The following OTULINL variants were observed in gnomAD, a reference collection of about 807,000 sequenced individuals.
The protein encoded by OTULINL is OTU deubiquitinase with linear linkage specificity like.
A neutral mutation model predicts 43.9 loss-of-function variants in OTULINL; 42 were observed. The observed-to-expected ratio is 0.96, with a 90% confidence interval of 0.75 to 1.24. The LOEUF is 1.24. OTULINL is among the 50% of genes most tolerant of loss of function. The pLI, the probability that OTULINL is intolerant of heterozygous loss-of-function variation, is 0.00. For missense variants in OTULINL, 411 were observed against 426.4 expected (o/e 0.96, Z 0.32); for synonymous variants, 172 against 153.6 (o/e 1.12, Z -0.88).
intron 1 of OTULINL, among the ~76,000 whole-genome samples, chr5:14,582,824 A>C (rs1278730326): frequency 1.1e-4 from 16 of 150,782 alleles, no homozygotes; most frequent in African/African-American, 3.7e-4. Flanking sequence ...CAAAAAAAAA[A>C]AAAAAAAAAA....
At chr5:14,607,498 A>G in intron 6 of OTULINL, 40 bp downstream of exon 6, 1 of 1,610,730 alleles carries the variant, frequency 6.2e-7, no homozygotes, top group Non-Finnish European at 8.5e-7. Flanking sequence ...TAGGAATAAA[A>G]GCACATATCC....
intron 6 of OTULINL, among the ~76,000 whole-genome samples, chr5:14,608,334 G>T (rs1255294216): frequency 6.6e-6 from 1 of 152,190 alleles, no homozygotes; most frequent in African/African-American, 2.4e-5. Flanking sequence ...GCACAGTGGG[G>T]TTTTTGGTGA....
chr5:14,612,578 GTGT>G lies in OTULINL; in HGVS notation c.*2269_*2271del, dbSNP rs982453987. On this transcript the variant is annotated 3_prime_UTR_variant, in exon 8 of 8. Transcript: ENST00000274217. ...TTTTAGGGAGGAGGTATGAGGTGTT[GTGT>G]TGTTTTGTTTGTTTTTATTCAGTTG... 1.3e-5 allele frequency: 2 copies of G among 152,208 alleles called. No individual in the cohort carries two copies. The highest frequency in any genetic ancestry group is 4.8e-5 in the African/African-American group (2 of 41,450). 9.4% of individuals were successfully genotyped at this position (152,208 alleles called of 1,614,324 possible). A position where few individuals can be genotyped will look rare whatever the true frequency, so the allele number is the denominator to read the frequency against.
In OTULINL at chr5:14,613,045, C is replaced by T. The variant is rs1759608794; in HGVS notation, c.*2731C>T. 6.6e-6 allele frequency among the ~76,000 whole-genome samples: 1 copy of T among 152,158 alleles called. No individual in the cohort carries two copies. The highest frequency in any genetic ancestry group is 1.9e-4 in the East Asian group (1 of 5,184). On this transcript the variant is annotated 3_prime_UTR_variant, in exon 8 of 8. Transcript: ENST00000274217. ...TCAAGCGATTCTCCTGCCTCAGCCTCCCGAGTAGCCGGGATTACAGGTGCC... is the reference window on the plus strand; with the variant it reads ...TCAAGCGATTCTCCTGCCTCAGCCTTCCGAGTAGCCGGGATTACAGGTGCC...
intron 1 of OTULINL, among the ~76,000 whole-genome samples, chr5:14,585,116 T>C (rs1388265018): frequency 6.6e-6 from 1 of 152,070 alleles, no homozygotes; most frequent in Non-Finnish European, 1.5e-5. Context: ...AGGTCTTTAC[T>C]CTCTAGGAGG....
intron 7 of OTULINL, 91 bp from the exon 8 acceptor site, chr5:14,610,050 A>G (rs1759551558): frequency 4.4e-6 from 5 of 1,145,146 alleles, no homozygotes; most frequent in South Asian, 2.8e-5. Context: ...AGATTATTTC[A>G]TAAACTGCAG....
In OTULINL at chr5:14,614,742, A is replaced by G; in HGVS notation, c.*4428A>G. On this transcript the variant is annotated 3_prime_UTR_variant, in exon 8 of 8. Coordinates refer to ENST00000274217, the MANE Select transcript of OTULINL (RefSeq NM_019018.3). ...CTCCATGTGGGAACAGTGTGGCCCA[A>G]GAGCCAGCATGGAGGAGGGCTGTGT... 1 of 398,656 alleles carries G rather than the reference A, an allele frequency of 2.5e-6. No individual in the cohort carries two copies. Among genetic ancestry groups the G allele is most frequent in the African/African-American group, 2.1e-5 (1 of 48,756 alleles). 24.7% of individuals were successfully genotyped at this position (398,656 alleles called of 1,614,324 possible). A position where few individuals can be genotyped will look rare whatever the true frequency, so the allele number is the denominator to read the frequency against.
At position 14,597,347 on chromosome 5, in the gene OTULINL, A is replaced by G. The variant is rs566023849; in HGVS notation, c.65-3618A>G. 9.2e-5 allele frequency among the ~76,000 whole-genome samples: 14 copies of G among 152,256 alleles called. No individual in the cohort carries two copies. In the South Asian group the frequency reaches 2.3e-3, roughly 25 times the overall value. On this transcript the variant is annotated intron_variant, in intron 1 of 7. Transcript: ENST00000274217. The stretch of plus-strand genomic sequence containing the variant: ...GAGCACTCACTGTGCACCAGGCTCT[A>G]CTATGTGCTGTCTTCATTCCTAGGT...
At chr5:14,600,237 C>T (rs1759362091) in intron 1 of OTULINL, among the ~76,000 whole-genome samples, 1 of 152,190 alleles carries the variant, frequency 6.6e-6, no homozygotes, top group Non-Finnish European at 1.5e-5. Flanking sequence ...ACTTCTCCTA[C>T]CTGCTGCCAT....
intron 1 of OTULINL, among the ~76,000 whole-genome samples, chr5:14,583,649 C>T (rs889366321): frequency 6.6e-6 from 1 of 152,146 alleles, no homozygotes; most frequent in Non-Finnish European, 1.5e-5. Context: ...AGTTGGTGTG[C>T]AGCAGAGGAA....
In OTULINL at chr5:14,609,004, G is replaced by A. The variant is rs1295029082; in HGVS notation, c.884G>A (p.Cys295Tyr). 1 of 1,612,176 alleles carries A rather than the reference G, an allele frequency of 6.2e-7. No individual in the cohort carries two copies. The highest frequency in any genetic ancestry group is 8.5e-7 in the Non-Finnish European group (1 of 1,178,760). ...MNHLNSVGDT[C>Y]GLEQIDMFIL... is the part of the protein sequence containing the mutation. The stretch of plus-strand genomic sequence containing the variant: ...CACCTGAATTCTGTAGGCGACACAT[G>A]TGGACTAGAGCAGGTAACCGGGGAG... The change falls in exon 7 of 8, where the codon TGT (cysteine) becomes TAT (tyrosine). Residue 295 changes from cysteine to tyrosine, a missense_variant. By Grantham distance (194) the Cys-to-Tyr change is radical. Coordinates refer to ENST00000274217, the MANE Select transcript of OTULINL (RefSeq NM_019018.3).
At position 14,601,087 on chromosome 5, in the gene OTULINL, C is replaced by T. The variant is rs114798212; in HGVS notation, c.187C>T (p.Arg63Trp). ...SFLVAAICYF[R>W]RLHLYSGHKL... ...TCTGGTGGCTGCCATCTGCTACTTC[C>T]GGAGGCTACATTTATATTCAGGGCA... The change falls in exon 2 of 8, where the codon CGG becomes TGG. Residue 63 changes from arginine (R) to tryptophan (W), a missense_variant. Physicochemically the swap from Arg to Trp is moderately radical, Grantham distance 101. Coordinates refer to ENST00000274217, the MANE Select transcript of OTULINL (RefSeq NM_019018.3). 82 of 1,612,872 alleles carry T rather than the reference C, an allele frequency of 5.1e-5. 1 individual carries two copies. The South Asian group carries it at 5.3e-4, about 10-fold the overall frequency.
chr5:14,594,234 T>A (rs2126774859), intron 1 of OTULINL, among the ~76,000 whole-genome samples: 1 of 152,366 alleles, frequency 6.6e-6, no homozygotes, highest in South Asian at 2.1e-4. Flanking sequence ...ATCTCTTGAA[T>A]CTCCATGTGC....
chr5:14,587,399 G>C (rs942417877), intron 1 of OTULINL, among the ~76,000 whole-genome samples: 1 of 152,230 alleles, frequency 6.6e-6, no homozygotes, highest in African/African-American at 2.4e-5. Context: ...AATGTAACCA[G>C]TCACTGTCTA....
At chr5:14,598,533 C>G (rs1054658242) in intron 1 of OTULINL, among the ~76,000 whole-genome samples, 1 of 152,148 alleles carries the variant, frequency 6.6e-6, no homozygotes, top group Non-Finnish European at 1.5e-5. Context: ...GTTAGAAAAG[C>G]ATATTTGCCA....
chr5:14,609,839 C>T (rs950933985), intron 7 of OTULINL, among the ~76,000 whole-genome samples: 2 of 152,156 alleles, frequency 1.3e-5, no homozygotes, highest in African/African-American at 2.4e-5. Context: ...ACCGTGTTTT[C>T]GATCTCCTGA....
chr5:14,582,678 A>G (rs918898572), intron 1 of OTULINL, among the ~76,000 whole-genome samples: 1 of 151,776 alleles, frequency 6.6e-6, no homozygotes, highest in Non-Finnish European at 1.5e-5. Context: ...ATCCGGGCAT[A>G]GTGGCGAGTA....
intron 1 of OTULINL, among the ~76,000 whole-genome samples, chr5:14,585,694 A>G (rs908459075): frequency 2.0e-5 from 3 of 152,226 alleles, no homozygotes; most frequent in Non-Finnish European, 2.9e-5. Flanking sequence ...ATAATGTTAT[A>G]TAATCTTTAC....
rs1288394793 is a variant in OTULINL at position 14,613,286 on chromosome 5, T to C, written c.*2972T>C. Among the ~76,000 whole-genome samples, 1 of 152,178 alleles carries C rather than the reference T, an allele frequency of 6.6e-6. No individual in the cohort carries two copies. Among genetic ancestry groups the C allele is most frequent in the Non-Finnish European group, 1.5e-5 (1 of 68,028 alleles). The stretch of plus-strand genomic sequence containing the variant: ...CATTGTTGTGCAACCCTCACCACCA[T>C]CCACCCTCAGAACTTTTTAAAATCT... On this transcript the variant is annotated 3_prime_UTR_variant, in exon 8 of 8. Transcript: ENST00000274217.
Sources: allele counts gnomAD v4.1 joint callset (sites outside exome capture counted in the v4.1 genomes callset), GRCh38; gene constraint gnomAD v4.1.1; transcripts MANE v1.5; gene names NCBI Gene and HGNC (gene_info 2026-07-23, HGNC 2026-07-21).